Variants in FRMD3 observed in about 807,000 individuals in gnomAD.
FRMD3 encodes the protein FERM domain-containing protein 3.
Under a neutral mutation model 70.2 loss-of-function variants are expected in FRMD3, and 33 were observed. That is an observed-to-expected ratio of 0.47 (90% CI 0.36 to 0.63). The LOEUF (loss-of-function observed/expected upper bound fraction) is 0.63, where lower values mean the gene tolerates loss of function less well. Among genes scored for constraint, FRMD3 ranks in the 20% least tolerant of loss-of-function variants. The pLI is 0.00. For synonymous variants in FRMD3, 279 were observed against 255.9 expected, an observed-to-expected ratio of 1.09 and a Z score of -0.86; for missense variants, 632 against 711.4, an observed-to-expected ratio of 0.89 and a Z score of 1.27.
At chr9:83,365,736 T>G (rs1824764121) in intron 3 of FRMD3, among the ~76,000 whole-genome samples, 1 of 152,070 alleles carries the variant, frequency 6.6e-6, no homozygotes, top group African/African-American at 2.4e-5. Flanking sequence ...CTCTGAAAAT[T>G]TTACTGACAT....
rs567111357 is a variant in FRMD3 at position 83,363,756 on chromosome 9, A to G, written c.295+9157T>C. On this transcript the variant is annotated intron_variant, in intron 3 of 13. Coordinates refer to ENST00000304195, the MANE Select transcript of FRMD3 (RefSeq NM_174938.6). ...TTTTTAGTAGAGACGGGGTTTCACC[A>G]TGTTAGCCAGGATGGTCTCGATCTC... 5.8e-3 allele frequency among the ~76,000 whole-genome samples: 885 copies of G among 152,000 alleles called. 1 individual carries two copies. The highest frequency in any genetic ancestry group is 8.7e-3 in the Non-Finnish European group (590 of 67,922).
chr9:83,276,107 A>T (rs1409597032), intron 13 of FRMD3: 2 of 152,192 alleles, frequency 1.3e-5, no homozygotes, highest in Admixed American at 1.3e-4. Flanking sequence ...ATGTTCCATG[A>T]CTTGGATACA....
At chr9:83,307,248 C>A (rs1349316299) in intron 10 of FRMD3, among the ~76,000 whole-genome samples, 3 of 152,178 alleles carry the variant, frequency 2.0e-5, no homozygotes, top group African/African-American at 7.2e-5. Flanking sequence ...AGCTTAGGCA[C>A]TGAAAACAAT....
chr9:83,243,833 C>T (rs1187976685), downstream of FRMD3, among the ~76,000 whole-genome samples: 1 of 152,110 alleles, frequency 6.6e-6, no homozygotes, highest in African/African-American at 2.4e-5. Flanking sequence ...TTTGGTTTAA[C>T]TGTTAGGTAT....
At chr9:83,312,004 A>G (rs764480737) in intron 7 of FRMD3, 29 bp from the exon 8 acceptor site, 1 of 1,497,734 alleles carries the variant, frequency 6.7e-7, no homozygotes, top group Admixed American at 2.0e-5. Context: ...AAAAAAGAAA[A>G]ATCTGTTTAG....
At chr9:83,549,216 G>C in the FRMD3 span, among the ~76,000 whole-genome samples, 1 of 152,096 alleles carries the variant, frequency 6.6e-6, no homozygotes. Context: ...TTGGTTTTCT[G>C]TTCCTGCATT....
intron 1 of FRMD3, among the ~76,000 whole-genome samples, chr9:83,412,424 T>C: frequency 6.6e-6 from 1 of 152,240 alleles, no homozygotes; most frequent in African/African-American, 2.4e-5. Context: ...AGATATATAG[T>C]ATGAGTTTCT....
intron 1 of FRMD3, among the ~76,000 whole-genome samples, chr9:83,401,636 A>G (rs1185493010): frequency 6.6e-6 from 1 of 152,146 alleles, no homozygotes; most frequent in African/African-American, 2.4e-5. Context: ...TTCTGCTCCT[A>G]ATCTCTTTGA....
chr9:83,323,464 A>G (rs767781084), intron 6 of FRMD3, among the ~76,000 whole-genome samples: 6 of 152,222 alleles, frequency 3.9e-5, no homozygotes, highest in Non-Finnish European at 8.8e-5. Flanking sequence ...CCAAAGTCAC[A>G]GTATTAAGAG....
chr9:83,446,509 C>T (rs866483141), intron 1 of FRMD3, among the ~76,000 whole-genome samples: 21 of 151,858 alleles, frequency 1.4e-4, no homozygotes, highest in Middle Eastern at 3.4e-3. Flanking sequence ...TAGCCGGGCG[C>T]GGTGGCGGGC....
the FRMD3 span, among the ~76,000 whole-genome samples, chr9:83,574,144 C>T: frequency 6.6e-6 from 1 of 152,332 alleles, no homozygotes; most frequent in East Asian, 1.9e-4. Context: ...AGCTACTGCA[C>T]CCAAAGGAGA....
At chr9:83,492,301 A>G (rs1828844982) in intron 1 of FRMD3, among the ~76,000 whole-genome samples, 2 of 152,246 alleles carry the variant, frequency 1.3e-5, no homozygotes, top group South Asian at 4.1e-4. Context: ...TGGAGATGAC[A>G]ATAAGGCACG....
intron 13 of FRMD3, among the ~76,000 whole-genome samples, chr9:83,263,199 C>T (rs180762469): frequency 2.4e-4 from 37 of 152,312 alleles, no homozygotes; most frequent in Admixed American, 1.2e-3. Flanking sequence ...TAAAATGAAA[C>T]TGGTCCTCAA....
intron 13 of FRMD3, among the ~76,000 whole-genome samples, chr9:83,254,235 G>A (rs1297905040): frequency 6.6e-6 from 1 of 151,818 alleles, no homozygotes; most frequent in East Asian, 1.9e-4. Flanking sequence ...TGCATGTTGT[G>A]CACACGTACC....
chr9:83,486,516 C>G (rs1056699226), intron 1 of FRMD3, among the ~76,000 whole-genome samples: 1 of 152,110 alleles, frequency 6.6e-6, no homozygotes, highest in Non-Finnish European at 1.5e-5. Flanking sequence ...CAAAAATGAA[C>G]TTAAGATAGA....
chr9:83,430,233 A>G (rs1826932255), intron 1 of FRMD3, among the ~76,000 whole-genome samples: 1 of 152,078 alleles, frequency 6.6e-6, no homozygotes, highest in Non-Finnish European at 1.5e-5. Context: ...AAGCCAATGC[A>G]GAGAGACCTT....
At chr9:83,259,682 A>G (rs1832896586) in intron 13 of FRMD3, among the ~76,000 whole-genome samples, 1 of 152,102 alleles carries the variant, frequency 6.6e-6, no homozygotes, top group South Asian at 2.1e-4. Flanking sequence ...TTTGTTTTTT[A>G]GGGGGACACT....
intron 1 of FRMD3, among the ~76,000 whole-genome samples, chr9:83,451,593 G>A (rs1039288425): frequency 3.3e-5 from 5 of 152,182 alleles, no homozygotes; most frequent in Non-Finnish European, 5.9e-5. Context: ...CAGAATACCC[G>A]TGGCTAGCTT....
intron 1 of FRMD3, among the ~76,000 whole-genome samples, chr9:83,496,131 T>A (rs1205250837): frequency 1.3e-5 from 2 of 152,210 alleles, no homozygotes; most frequent in African/African-American, 4.8e-5. Context: ...AAGAAGTATC[T>A]AAAATTATTA....
Sources: gnomAD v4.1 joint callset for allele counts (sites outside exome capture counted in the v4.1 genomes callset) on GRCh38, gnomAD v4.1.1 for gene constraint, MANE v1.5 for transcripts, NCBI Gene and HGNC (gene_info 2026-07-23, HGNC 2026-07-21) for gene names.